MDGA2: variants seen among roughly 807,000 people sequenced by gnomAD.
MDGA2 encodes MAM domain containing glycosylphosphatidylinositol anchor 2.
MDGA2 carries 40 observed loss-of-function variants against 117.8 expected under a neutral mutation model. The ratio of observed to expected loss-of-function variants is 0.34; its 90% CI spans 0.26 to 0.44. The LOEUF (loss-of-function observed/expected upper bound fraction) is 0.44. Ranked by LOEUF, MDGA2 falls within the 20% of genes least tolerant of loss-of-function variation. MDGA2 has a pLI of 1.00. For missense variants in MDGA2, 1,123 were observed against 1,250.6 expected, an observed-to-expected ratio of 0.90 and a Z score of 1.54; for synonymous variants, 452 against 439.0, an observed-to-expected ratio of 1.03 and a Z score of -0.37.
intron 1 of MDGA2, among the ~76,000 whole-genome samples, chr14:47,303,217 T>C (rs959533601): frequency 1.3e-5 from 2 of 152,184 alleles, no homozygotes; most frequent in Non-Finnish European, 2.9e-5. Context: ...TAGACTAGGT[T>C]CTGGGTATTA....
chr14:47,584,344 G>C (rs1231991181), intron 1 of MDGA2, among the ~76,000 whole-genome samples: 1 of 151,708 alleles, frequency 6.6e-6, no homozygotes, highest in East Asian at 1.9e-4. Flanking sequence ...ATAACTATCT[G>C]TTTGCTACAG....
intron 1 of MDGA2, among the ~76,000 whole-genome samples, chr14:47,502,447 C>T (rs1022457215): frequency 2.0e-5 from 3 of 152,076 alleles, no homozygotes; most frequent in Non-Finnish European, 2.9e-5. Flanking sequence ...AACACCAAAA[C>T]ATAAACCAAA....
intron 6 of MDGA2, among the ~76,000 whole-genome samples, chr14:47,084,470 C>T (rs867413811): frequency 3.6e-4 from 54 of 148,210 alleles, no homozygotes; most frequent in African/African-American, 1.1e-3. Context: ...CTAATTCCCA[C>T]TTCAAGAAGC....
At chr14:47,398,426 A>T (rs1227051041) in intron 1 of MDGA2, among the ~76,000 whole-genome samples, 1 of 152,178 alleles carries the variant, frequency 6.6e-6, no homozygotes, top group Non-Finnish European at 1.5e-5. Context: ...ATCATCTTCC[A>T]TCTCATTTTA....
chr14:47,350,061 T>G (rs1234839047), intron 1 of MDGA2, among the ~76,000 whole-genome samples: 1 of 152,222 alleles, frequency 6.6e-6, no homozygotes, highest in Non-Finnish European at 1.5e-5. Context: ...ACTGTGTCCA[T>G]TTAGATCTCT....
intron 4 of MDGA2, among the ~76,000 whole-genome samples, chr14:47,143,853 A>T (rs1399159981): frequency 6.6e-6 from 1 of 152,224 alleles, no homozygotes; most frequent in Non-Finnish European, 1.5e-5. Context: ...AGGACATAGT[A>T]AGTTAAAAAA....
At chr14:47,315,937 AAAACAAAAAAC>A (rs1889795897) in intron 1 of MDGA2, among the ~76,000 whole-genome samples, 1 of 141,014 alleles carries the variant, frequency 7.1e-6, no homozygotes, top group Admixed American at 6.8e-5. Context: ...AAAACAAAAC[AAAACAAAAAAC>A]AAACAAAAAA....
intron 1 of MDGA2, among the ~76,000 whole-genome samples, chr14:47,661,882 C>T (rs1208778066): frequency 1.3e-5 from 2 of 150,594 alleles, no homozygotes; most frequent in South Asian, 4.2e-4. Flanking sequence ...ATTACAGGCA[C>T]CCGCCACTAC....
chr14:47,171,482 C>T (rs1216760552), intron 3 of MDGA2, among the ~76,000 whole-genome samples: 2 of 152,154 alleles, frequency 1.3e-5, no homozygotes, highest in Admixed American at 6.5e-5. Flanking sequence ...AAAAATGTAA[C>T]TACTTTTCTA....
At position 47,150,973 on chromosome 14, in the gene MDGA2, A is replaced by G. The variant is rs556070751; in HGVS notation, c.596-6699T>C. On this transcript the variant is annotated intron_variant, in intron 3 of 16. Transcript: ENST00000399232. Reference sequence around the variant, plus strand: ...TATCAGTAGCTACCTGCCAACAGCAATGGGGCCCTCACTGCAGCCAGCTAG... The same window carrying G: ...TATCAGTAGCTACCTGCCAACAGCAGTGGGGCCCTCACTGCAGCCAGCTAG... Among the ~76,000 whole-genome samples, 4 of 151,806 alleles carry G rather than the reference A, an allele frequency of 2.6e-5. No homozygotes were observed. In the East Asian group the frequency reaches 7.8e-4, roughly 29 times the overall value.
chr14:47,251,250 C>T (rs906689136), intron 2 of MDGA2, among the ~76,000 whole-genome samples: 1 of 152,098 alleles, frequency 6.6e-6, no homozygotes, highest in Non-Finnish European at 1.5e-5. Context: ...GAAAATTTCC[C>T]TTTTATCTCC....
At chr14:47,650,164 G>C (rs1897612386) in intron 1 of MDGA2, among the ~76,000 whole-genome samples, 1 of 151,686 alleles carries the variant, frequency 6.6e-6, no homozygotes, top group Admixed American at 6.6e-5. Flanking sequence ...TTCAAACTGA[G>C]ACATCATGTT....
intron 2 of MDGA2, among the ~76,000 whole-genome samples, chr14:47,248,700 G>A (rs1216372561): frequency 1.3e-5 from 2 of 152,040 alleles, no homozygotes; most frequent in Admixed American, 6.5e-5. Context: ...TCAGATAATT[G>A]TAAATCTTAT....
intron 4 of MDGA2, among the ~76,000 whole-genome samples, chr14:47,142,194 A>G (rs558593590): frequency 6.6e-6 from 1 of 152,312 alleles, no homozygotes; most frequent in East Asian, 1.9e-4. Context: ...CTGTAATCCC[A>G]GCACATTGGG....
chr14:47,077,767 A>G (rs540346969), intron 6 of MDGA2, among the ~76,000 whole-genome samples: 1 of 152,218 alleles, frequency 6.6e-6, no homozygotes, highest in South Asian at 2.1e-4. Flanking sequence ...TATATTACAC[A>G]GTAAACATTA....
chr14:47,107,190 C>T (rs150637951), intron 5 of MDGA2, among the ~76,000 whole-genome samples: 7,465 of 150,948 alleles, frequency 0.049, 268 homozygotes, highest in African/African-American at 0.11. Context: ...TCCCGCAGCA[C>T]ACTTTAAAAA....
intron 1 of MDGA2, among the ~76,000 whole-genome samples, chr14:47,343,750 C>T (rs1212311895): frequency 2.0e-5 from 3 of 152,020 alleles, no homozygotes; most frequent in African/African-American, 7.2e-5. Flanking sequence ...AAAGCTTTCC[C>T]TAGTGCTCTA....
chr14:47,327,569 G>A (rs1286895390), intron 1 of MDGA2, among the ~76,000 whole-genome samples: 1 of 152,098 alleles, frequency 6.6e-6, no homozygotes, highest in African/African-American at 2.4e-5. Context: ...CCAGATTATT[G>A]CACTCGTCTT....
chr14:47,442,108 G>A (rs1471109360), intron 1 of MDGA2, among the ~76,000 whole-genome samples: 3 of 152,148 alleles, frequency 2.0e-5, no homozygotes, highest in African/African-American at 7.2e-5. Flanking sequence ...ATTTATCATA[G>A]GTTGGGATCA....
Sources: gnomAD v4.1 joint callset for allele counts (sites outside exome capture counted in the v4.1 genomes callset) on GRCh38, gnomAD v4.1.1 for gene constraint, MANE v1.5 for transcripts, NCBI Gene and HGNC (gene_info 2026-07-23, HGNC 2026-07-21) for gene names.